The following PTPRJ variants were observed in gnomAD, a reference collection of about 807,000 sequenced individuals.
PTPRJ encodes the protein protein tyrosine phosphatase receptor type J.
In PTPRJ, 129 loss-of-function variants were observed where a neutral mutation model predicts 141.3. The observed-to-expected ratio is 0.91, with a 90% CI of 0.79 to 1.06. PTPRJ has a LOEUF of 1.06. PTPRJ is among the 50% of genes least tolerant of loss of function. The probability of loss-of-function intolerance (pLI) is 0.00; values close to 1 mark genes in which losing one functional copy is unlikely to be tolerated. For synonymous variants in PTPRJ, 610 were observed against 640.5 expected, an observed-to-expected ratio of 0.95 and a Z score of 0.72; for missense variants, 1,601 against 1,679.7, an observed-to-expected ratio of 0.95 and a Z score of 0.82.
chr11:48,032,695 G>A (rs1854014531), intron 1 of PTPRJ, among the ~76,000 whole-genome samples: 1 of 152,168 alleles, frequency 6.6e-6, no homozygotes, highest in East Asian at 1.9e-4. Context: ...GGAGGCGGAG[G>A]TTGCAGTGAG....
chr11:47,991,362 A>G (rs1016470131), intron 1 of PTPRJ, among the ~76,000 whole-genome samples: 2 of 152,096 alleles, frequency 1.3e-5, no homozygotes, highest in African/African-American at 2.4e-5. Flanking sequence ...AACTCTGGCT[A>G]TGGCTGCCTC....
chr11:48,134,365 A>C (rs1857041279), intron 8 of PTPRJ, among the ~76,000 whole-genome samples: 1 of 152,162 alleles, frequency 6.6e-6, no homozygotes, highest in South Asian at 2.1e-4. Flanking sequence ...CAGTGCCCAC[A>C]GCCCTCCCCA....
chr11:47,991,785 G>A (rs1380429671), intron 1 of PTPRJ, among the ~76,000 whole-genome samples: 2 of 152,048 alleles, frequency 1.3e-5, no homozygotes, highest in African/African-American at 4.8e-5. Context: ...AATGCTTGGA[G>A]TCTCTTCTGT....
intron 1 of PTPRJ, among the ~76,000 whole-genome samples, chr11:48,093,017 T>A (rs894402469): frequency 6.6e-6 from 1 of 152,220 alleles, no homozygotes; most frequent in African/African-American, 2.4e-5. Flanking sequence ...TTTATGTATT[T>A]AAAAAAATCT....
chr11:48,170,668 C>G lies in PTPRJ; in HGVS notation c.*3306C>G, dbSNP rs1332901487. 1 of 151,450 alleles carries G rather than the reference C, an allele frequency of 6.6e-6. No individual in the cohort carries two copies. Among genetic ancestry groups the G allele is most frequent in the African/African-American group, 2.4e-5 (1 of 41,116 alleles). The allele number at this position is 151,450 out of a possible 1,614,324, so 9.4% of individuals were successfully genotyped here. A position where few individuals can be genotyped will look rare whatever the true frequency, so the allele number is the denominator to read the frequency against. Reference sequence around the variant, plus strand: ...TACAAATAGGATGTGTTGATGTGGACTCTAAACTGTAATTTTCCTGTAACT... The same window carrying G: ...TACAAATAGGATGTGTTGATGTGGAGTCTAAACTGTAATTTTCCTGTAACT... On this transcript the variant is annotated 3_prime_UTR_variant, in exon 25 of 25. Transcript: ENST00000418331.
intron 1 of PTPRJ, among the ~76,000 whole-genome samples, chr11:47,986,198 T>C (rs1257801271): frequency 6.6e-6 from 1 of 152,198 alleles, no homozygotes; most frequent in African/African-American, 2.4e-5. Flanking sequence ...TCTTTCCTGC[T>C]TATATTTCTT....
At chr11:47,981,575 C>G (rs1019405770) in intron 1 of PTPRJ, among the ~76,000 whole-genome samples, 3 of 152,234 alleles carry the variant, frequency 2.0e-5, no homozygotes, top group Non-Finnish European at 4.4e-5. Context: ...GAAAAGGTGG[C>G]CGCACGCTGG....
At chr11:48,025,327 T>C (rs939042995) in intron 1 of PTPRJ, among the ~76,000 whole-genome samples, 4 of 152,228 alleles carry the variant, frequency 2.6e-5, no homozygotes, top group Non-Finnish European at 5.9e-5. Context: ...CTTCTTGCGA[T>C]GTGAAAGTAC....
intron 23 of PTPRJ, 143 bp downstream of exon 23, chr11:48,163,761 T>C (rs1414395523): frequency 1.9e-6 from 2 of 1,038,216 alleles, no homozygotes; most frequent in Non-Finnish European, 2.8e-6. Context: ...ATGGACTTAC[T>C]CCCTAAGCCC....
intron 1 of PTPRJ, among the ~76,000 whole-genome samples, chr11:48,017,512 C>T (rs1398562912): frequency 6.6e-6 from 1 of 152,194 alleles, no homozygotes; most frequent in Non-Finnish European, 1.5e-5. Context: ...TGGCATTCCA[C>T]AAAATGCAGT....
At chr11:48,122,816 G>T (rs1270976320) in intron 4 of PTPRJ, among the ~76,000 whole-genome samples, 1 of 152,210 alleles carries the variant, frequency 6.6e-6, no homozygotes, top group Non-Finnish European at 1.5e-5. Flanking sequence ...CATCTAGGCC[G>T]ATGTCTTTAC....
chr11:48,011,044 C>A (rs922479105), intron 1 of PTPRJ, among the ~76,000 whole-genome samples: 3 of 151,988 alleles, frequency 2.0e-5, no homozygotes, highest in African/African-American at 7.3e-5. Flanking sequence ...AGGAGGTGGG[C>A]AGGACAGAGG....
At chr11:48,085,347 ATTTTTTT>A (rs1301909297) in intron 1 of PTPRJ, among the ~76,000 whole-genome samples, 1 of 139,306 alleles carries the variant, frequency 7.2e-6, no homozygotes, top group African/African-American at 2.8e-5. Context: ...TTTATTTTTT[ATTTTTTT>A]GAAACGGAGT....
intron 1 of PTPRJ, among the ~76,000 whole-genome samples, chr11:48,036,073 A>G (rs1314813638): frequency 6.6e-6 from 1 of 152,192 alleles, no homozygotes; most frequent in East Asian, 1.9e-4. Flanking sequence ...TAGCATGAAG[A>G]TTGAAGTCTT....
intron 7 of PTPRJ, 114 bp from the exon 8 acceptor site, chr11:48,130,345 G>C (rs1856942878): frequency 2.8e-6 from 3 of 1,082,248 alleles, no homozygotes; most frequent in South Asian, 3.2e-5. Context: ...AGAAGACAGA[G>C]AGAGGGATCA....
At chr11:48,073,179 T>A (rs1264034670) in intron 1 of PTPRJ, among the ~76,000 whole-genome samples, 1 of 152,238 alleles carries the variant, frequency 6.6e-6, no homozygotes, top group Non-Finnish European at 1.5e-5. Context: ...TCTCTCTCAT[T>A]TCCTTTGGTA....
Position 48,127,932 on chromosome 11 carries a change from G to A in PTPRJ, c.1246G>A (p.Glu416Lys). ...AGATTCTTCCAATCTCAACGTCAGT[G>A]AGCCTCGCGCTGTCATCCCCGGACT... Reference protein sequence around the residue: ...ETDSSNLNVSEPRAVIPGLRS... With the variant: ...ETDSSNLNVSKPRAVIPGLRS... Residue 416 changes from glutamate (E) to lysine (K), a missense_variant, in exon 7 of 25, where the codon GAG (glutamate) becomes AAG (lysine). Physicochemically the swap from Glu to Lys is moderately conservative, Grantham distance 56. Transcript: ENST00000418331. The A allele has an allele frequency of 6.2e-7, 1 of 1,614,154 alleles. No individual in the cohort carries two copies. The highest frequency in any genetic ancestry group is 1.1e-5 in the South Asian group (1 of 91,078).
At chr11:48,159,094 T>TG (rs3071025) in intron 21 of PTPRJ, among the ~76,000 whole-genome samples, 1 of 141,878 alleles carries the variant, frequency 7.0e-6, no homozygotes, top group African/African-American at 2.7e-5. Flanking sequence ...TGTGTGTATG[T>TG]GGGGTGTGTG....
chr11:48,048,403 C>A (rs541631012), intron 1 of PTPRJ, among the ~76,000 whole-genome samples: 3 of 152,226 alleles, frequency 2.0e-5, no homozygotes, highest in African/African-American at 7.2e-5. Flanking sequence ...GCACAGCTTA[C>A]GGCCATGATG....
Sources: gnomAD v4.1 joint callset for allele counts (sites outside exome capture counted in the v4.1 genomes callset) on GRCh38, gnomAD v4.1.1 for gene constraint, MANE v1.5 for transcripts, NCBI Gene and HGNC (gene_info 2026-07-23, HGNC 2026-07-21) for gene names.